AFF2: variants seen among roughly 807,000 people sequenced by gnomAD.
AFF2 encodes AF4/FMR2 family member 2.
Under a neutral mutation model 76.9 loss-of-function variants are expected in AFF2, and 14 were observed. The ratio of observed to expected loss-of-function variants is 0.18; its 90% confidence interval spans 0.12 to 0.28. The LOEUF (loss-of-function observed/expected upper bound fraction) is 0.28. AFF2 is among the 10% of genes least tolerant of loss of function. The probability of loss-of-function intolerance (pLI) is 1.00; values close to 1 mark genes in which losing one functional copy is unlikely to be tolerated. For missense variants in AFF2, 868 were observed against 1,001.1 expected (o/e 0.87, Z 1.79); for synonymous variants, 398 against 366.7 (o/e 1.09, Z -0.98).
At chrX:148,580,074 A>T (rs1335551995) in intron 1 of AFF2, among the ~76,000 whole-genome samples, 1 of 112,136 alleles carries the variant, frequency 8.9e-6, no homozygotes, top group East Asian at 2.8e-4. Flanking sequence ...AAGAGCTCAG[A>T]GACTGCAAAC....
chrX:148,532,856 A>ATG (rs782177489), intron 1 of AFF2, among the ~76,000 whole-genome samples: 1,157 of 110,269 alleles, frequency 0.01, 8 homozygotes, highest in African/African-American at 0.021. Context: ...ATGTGTGTGT[A>ATG]TGTGTGTGTG....
chrX:148,560,837 G>C (rs782504428), intron 1 of AFF2, among the ~76,000 whole-genome samples: 4 of 108,027 alleles, frequency 3.7e-5, no homozygotes, highest in African/African-American at 6.9e-5. Context: ...GTTTTTTTCT[G>C]GGGGGGGCAC....
chrX:148,634,177 A>G (rs1437296251), intron 1 of AFF2, among the ~76,000 whole-genome samples: 2 of 112,137 alleles, frequency 1.8e-5, no homozygotes, highest in East Asian at 5.6e-4. Flanking sequence ...TTGAACTACA[A>G]TAAAGTGTTT....
At chrX:148,636,004 T>C (rs2054026802) in intron 1 of AFF2, among the ~76,000 whole-genome samples, 1 of 110,333 alleles carries the variant, frequency 9.1e-6, no homozygotes, top group African/African-American at 3.3e-5. Context: ...GCAATATATG[T>C]ATGAGTGTGT....
chrX:148,683,889 G>A (rs1285284472), intron 3 of AFF2, among the ~76,000 whole-genome samples: 1 of 111,522 alleles, frequency 9.0e-6, no homozygotes, highest in Non-Finnish European at 1.9e-5. Context: ...TTGGAGGCTT[G>A]GGGAACTATT....
At chrX:148,570,166 T>A (rs2053213824) in intron 1 of AFF2, among the ~76,000 whole-genome samples, 1 of 112,085 alleles carries the variant, frequency 8.9e-6, no homozygotes, top group Non-Finnish European at 1.9e-5. Context: ...CAAGCCTACT[T>A]TGAACCGTAC....
In AFF2 at chrX:148,616,681, G is replaced by A. The variant is rs187894339; in HGVS notation, c.48-35318G>A. Among the ~76,000 whole-genome samples the A allele has an allele frequency of 2.5e-4, 27 of 109,799 alleles. No individual in the cohort carries two copies. In the East Asian group the frequency reaches 7.0e-3, roughly 28 times the overall value. ...GTTGGTGTGCTGCACCCATTAACTC[G>A]TCATTTACATTACATATATCTCCTA... On this transcript the variant is annotated intron_variant, in intron 1 of 20. Transcript: ENST00000370460.
intron 7 of AFF2, among the ~76,000 whole-genome samples, chrX:148,878,059 A>G (rs1165206628): frequency 1.8e-5 from 2 of 111,571 alleles, no homozygotes; most frequent in Non-Finnish European, 3.8e-5. Context: ...CAATTCCAAA[A>G]GGAATTCTGC....
intron 1 of AFF2, among the ~76,000 whole-genome samples, chrX:148,521,266 C>T (rs1557234439): frequency 9.1e-6 from 1 of 110,076 alleles, no homozygotes; most frequent in African/African-American, 3.3e-5. Context: ...CAATTACAAA[C>T]CCAGGAAAGC....
At chrX:148,552,872 C>A (rs2053011293) in intron 1 of AFF2, among the ~76,000 whole-genome samples, 1 of 111,882 alleles carries the variant, frequency 8.9e-6, no homozygotes, top group Non-Finnish European at 1.9e-5. Context: ...TTACTTAAAG[C>A]CTCTGCAGTG....
At chrX:148,767,759 T>G (rs782247348) in intron 3 of AFF2, among the ~76,000 whole-genome samples, 13 of 112,555 alleles carry the variant, frequency 1.2e-4, no homozygotes, top group African/African-American at 4.2e-4. Flanking sequence ...TTTTCACAAC[T>G]TGCCTTGAAA....
chrX:148,560,795 A>G (rs1215392275), intron 1 of AFF2, among the ~76,000 whole-genome samples: 5 of 111,905 alleles, frequency 4.5e-5, no homozygotes, highest in Non-Finnish European at 9.4e-5. Flanking sequence ...TTTTAACAGT[A>G]TTGCATTAAA....
intron 3 of AFF2, among the ~76,000 whole-genome samples, chrX:148,710,082 G>A (rs1360030979): frequency 9.9e-5 from 11 of 111,582 alleles, no homozygotes; most frequent in Non-Finnish European, 1.7e-4. Context: ...CAACAGATTC[G>A]GAAATGGAGA....
At chrX:148,863,856 ATAAAT>A (rs2070876744) in intron 7 of AFF2, among the ~76,000 whole-genome samples, 1 of 111,820 alleles carries the variant, frequency 8.9e-6, no homozygotes, top group Non-Finnish European at 1.9e-5. Flanking sequence ...CAAAGAGAAG[ATAAAT>A]TAAATTCTTA....
intron 3 of AFF2, among the ~76,000 whole-genome samples, chrX:148,792,843 A>G (rs1305097994): frequency 1.8e-5 from 2 of 110,321 alleles, no homozygotes; most frequent in African/African-American, 6.8e-5. Context: ...AAACTAGACA[A>G]AAAAAGAAAG....
intron 20 of AFF2, among the ~76,000 whole-genome samples, chrX:148,989,460 C>T (rs1038371776): frequency 8.9e-6 from 1 of 112,208 alleles, no homozygotes; most frequent in Non-Finnish European, 1.9e-5. Flanking sequence ...ATGAAAACAA[C>T]TCCGTCACTC....
chrX:148,828,834 T>C (rs1184900128), intron 4 of AFF2, among the ~76,000 whole-genome samples: 1 of 112,318 alleles, frequency 8.9e-6, no homozygotes, highest in East Asian at 2.8e-4. Flanking sequence ...ATGGAATTGA[T>C]TGCATCTGGC....
chrX:148,769,224 G>T (rs782417230), intron 3 of AFF2, among the ~76,000 whole-genome samples: 3 of 111,778 alleles, frequency 2.7e-5, no homozygotes, highest in Non-Finnish European at 5.6e-5. Context: ...TACTATAGAA[G>T]TCTTTACAAT....
intron 3 of AFF2, among the ~76,000 whole-genome samples, chrX:148,757,735 T>C (rs1224950350): frequency 2.7e-5 from 3 of 111,904 alleles, no homozygotes; most frequent in African/African-American, 9.7e-5. Context: ...AGCACAATCA[T>C]TGACTTAATA....
Sources: allele counts gnomAD v4.1 joint callset (sites outside exome capture counted in the v4.1 genomes callset), GRCh38; gene constraint gnomAD v4.1.1; transcripts MANE v1.5; gene names NCBI Gene and HGNC (gene_info 2026-07-23, HGNC 2026-07-21).